Variants in USP6 observed in about 807,000 individuals in gnomAD.
The protein encoded by USP6 is ubiquitin specific peptidase 6.
In USP6, 128 loss-of-function variants were observed where a neutral mutation model predicts 175.7. That is an observed-to-expected ratio of 0.73 (90% CI 0.63 to 0.84). USP6 has a LOEUF of 0.84. Among genes scored for constraint, USP6 ranks in the 40% least tolerant of loss-of-function variants. The pLI, the probability that USP6 is intolerant of heterozygous loss-of-function variation, is 0.00. For synonymous variants in USP6, 562 were observed against 630.6 expected (o/e 0.89, Z 1.63); for missense variants, 1,498 against 1,760.3 (o/e 0.85, Z 2.67).
chr17:5,116,662 G>C lies in USP6; in HGVS notation c.-2006G>C, dbSNP rs1411517665. On this transcript the variant is annotated 5_prime_UTR_variant, in exon 1 of 38. Coordinates refer to ENST00000574788, the MANE Select transcript of USP6 (RefSeq NM_001304284.2). ...TGAGGCCTGAACAGGAAGGAACTGG[G>C]AGACCCAAGACTGTACCGCCAAGAC... is the stretch of plus-strand genomic sequence containing the variant. 6.6e-6 allele frequency: 1 copy of C among 152,276 alleles called. No homozygotes were observed. Among genetic ancestry groups the C allele is most frequent in the Admixed American group, 6.5e-5 (1 of 15,288 alleles). The allele number at this position is 152,276 out of a possible 1,614,324, so 9.4% of individuals were successfully genotyped here. A position where few individuals can be genotyped will look rare whatever the true frequency, so the allele number is the denominator to read the frequency against.
Position 5,132,942 on chromosome 17 carries a change from G to A in USP6, c.228G>A (p.Lys76=). 1 of 1,614,206 alleles carries A rather than the reference G, an allele frequency of 6.2e-7. No individual in the cohort carries two copies. Among genetic ancestry groups the A allele is most frequent in the Non-Finnish European group, 8.5e-7 (1 of 1,180,028 alleles). The part of the protein sequence containing the change: ...KIRREMTRTS[K]WMEMLGEWET... ...GGCGGGAGATGACACGAACGAGCAAGTGGATGGAAATGCTGGGAGAATGGG... is the reference window on the plus strand; with the variant it reads ...GGCGGGAGATGACACGAACGAGCAAATGGATGGAAATGCTGGGAGAATGGG... The change falls in exon 13 of 38, where the codon AAG becomes AAA. Residue 76 remains lysine (K), a synonymous_variant. Transcript: ENST00000574788. The surrounding 1 kb of genome is among the most constrained non-coding windows in gnomAD (Gnocchi z 4.7).
At chr17:5,131,227 C>T (rs892975870) in intron 11 of USP6, among the ~76,000 whole-genome samples, 3 of 151,696 alleles carry the variant, frequency 2.0e-5, no homozygotes, top group African/African-American at 4.8e-5. Context: ...GGCAGGGCCC[C>T]GCTCTGGGCA....
intron 29 of USP6, among the ~76,000 whole-genome samples, chr17:5,148,253 AAAG>A (rs1196273465): frequency 6.6e-6 from 1 of 152,212 alleles, no homozygotes; most frequent in African/African-American, 2.4e-5. Context: ...AACAGAAGGA[AAAG>A]AAAACAAGTG....
intron 28 of USP6, among the ~76,000 whole-genome samples, 166 bp downstream of exon 28, chr17:5,146,340 AAG>A (rs2073610620): frequency 6.6e-6 from 1 of 152,206 alleles, no homozygotes. Flanking sequence ...AGAAACTTAA[AAG>A]AGTTTTCTAC....
Position 5,148,561 on chromosome 17 carries a change from T to G in USP6, c.2437T>G (p.Ser813Ala), listed in dbSNP as rs1275458443. Residue 813 changes from serine (S) to alanine (A), a missense_variant, in exon 30 of 38, where the codon TCC becomes GCC. This residue lies in a region of USP6 where 1,217 missense variants were observed against 1,500.8 expected (regional missense o/e 0.81). Transcript: ENST00000574788. ...SASSPTQIDF[S>A]SSPSTNGMFT... ...ACTTATCTTTGAATTTGTAGATTTC[T>G]CCTCTTCACCATCTACAAATGGAAT... 1.2e-6 allele frequency: 2 copies of G among 1,613,850 alleles called. No homozygotes were observed. The highest frequency in any genetic ancestry group is 1.7e-6 in the Non-Finnish European group (2 of 1,179,856).
At position 5,139,262 on chromosome 17, in the gene USP6, C is replaced by T. The variant is rs139178171; in HGVS notation, c.1086C>T (p.Arg362=). The change falls in exon 22 of 38, where the codon CGC becomes CGT. Residue 362 remains arginine, a synonymous_variant. Transcript: ENST00000574788. ...CGTCTGTTTTCCTTTCAGCCAAACGCGAGCAAGGGTCCTTGGCACCCAGGC... is the reference window on the plus strand; with the variant it reads ...CGTCTGTTTTCCTTTCAGCCAAACGTGAGCAAGGGTCCTTGGCACCCAGGC... ...KQGDLPPPAK[R]EQGSLAPRPV... The T allele has an allele frequency of 1.7e-4, 268 of 1,601,838 alleles. No individual in the cohort carries two copies. The highest frequency in any genetic ancestry group is 1.6e-4 in the Non-Finnish European group (187 of 1,179,984).
At position 5,138,129 on chromosome 17, in the gene USP6, A is replaced by G. The variant is rs2143911865; in HGVS notation, c.934A>G (p.Met312Val). ...ATCCACCCTGTCCCTAGAGCGCCTC[A>G]TGAAGACATCCAGGTGTGGCCTGTG... Reference protein sequence around the residue: ...IALKVQQKRLMKTSRCGLWAR... With the variant: ...IALKVQQKRLVKTSRCGLWAR... Residue 312 changes from methionine to valine, a missense_variant, in exon 21 of 38, where the codon ATG (methionine) becomes GTG (valine). By Grantham distance (21) the Met-to-Val change is conservative. Around this residue, in one of 2 missense-constraint regions of USP6, gnomAD observed 1,217 missense variants for 1,500.8 expected, o/e 0.81. Coordinates refer to ENST00000574788, the MANE Select transcript of USP6 (RefSeq NM_001304284.2). 6.2e-7 allele frequency: 1 copy of G among 1,614,038 alleles called. No individual in the cohort carries two copies.
intron 23 of USP6, 134 bp from the exon 24 acceptor site, chr17:5,141,869 C>T: frequency 7.4e-7 from 1 of 1,359,682 alleles, no homozygotes; most frequent in Non-Finnish European, 9.8e-7. Flanking sequence ...ATTTCAAAGA[C>T]CTGCTAGAGA....
chr17:5,136,121 C>T (rs988749425), intron 17 of USP6, among the ~76,000 whole-genome samples, 193 bp downstream of exon 17: 7 of 152,198 alleles, frequency 4.6e-5, no homozygotes, highest in African/African-American at 1.7e-4. Flanking sequence ...TGCCTTTCAT[C>T]CCCATCAGCA....
intron 31 of USP6, among the ~76,000 whole-genome samples, chr17:5,159,556 T>C (rs1317195154): frequency 1.3e-5 from 2 of 152,124 alleles, no homozygotes; most frequent in Non-Finnish European, 2.9e-5. Flanking sequence ...TAGCACATGA[T>C]ACAAAGAAGC....
chr17:5,133,265 T>C (rs540553002), intron 13 of USP6, among the ~76,000 whole-genome samples, 178 bp from the exon 14 acceptor site: 1 of 152,202 alleles, frequency 6.6e-6, no homozygotes, highest in African/African-American at 2.4e-5. Flanking sequence ...GATCAGAGTT[T>C]AGACTCTGAG....
At chr17:5,144,198 G>C (rs1203628252) in intron 25 of USP6, among the ~76,000 whole-genome samples, 3 of 151,822 alleles carry the variant, frequency 2.0e-5, no homozygotes, top group Non-Finnish European at 2.9e-5. Context: ...ACCAGAAAAT[G>C]TAATTGTTGA....
At chr17:5,122,367 T>C (rs1485403663) in intron 4 of USP6, among the ~76,000 whole-genome samples, 1 of 151,828 alleles carries the variant, frequency 6.6e-6, no homozygotes, top group African/African-American at 2.4e-5. Context: ...GCAAGGTGGG[T>C]GGTGGTCGGG....
At chr17:5,161,672 A>G (rs2074006577) in intron 32 of USP6, 58 bp downstream of exon 32, 9 of 1,578,872 alleles carry the variant, frequency 5.7e-6, no homozygotes, top group East Asian at 4.5e-5. Context: ...ATATTATACA[A>G]TTTTCCTAAG....
chr17:5,160,312 T>A (rs55795128), intron 31 of USP6, among the ~76,000 whole-genome samples: 8,970 of 152,226 alleles, frequency 0.059, 881 homozygotes, highest in African/African-American at 0.2. Context: ...GCCCATGTAA[T>A]AACCACTATC....
In USP6 at chr17:5,139,295, G is replaced by A. The variant is rs1472804070; in HGVS notation, c.1119G>A (p.Pro373=). Residue 373 remains proline, a synonymous_variant, in exon 22 of 38, where the codon CCG becomes CCA. Coordinates refer to ENST00000574788, the MANE Select transcript of USP6 (RefSeq NM_001304284.2). ...EQGSLAPRPV[P]ASRGGKTLCK... The stretch of plus-strand genomic sequence containing the variant: ...GGTCCTTGGCACCCAGGCCTGTGCC[G>A]GCTTCACGTGGTGGGAAGACCCTCT... The A allele has an allele frequency of 1.2e-5, 20 of 1,607,010 alleles. No individual in the cohort carries two copies. Among genetic ancestry groups the A allele is most frequent in the Admixed American group, 3.3e-5 (2 of 60,010 alleles).
At chr17:5,167,872 A>G in intron 33 of USP6, 60 bp from the exon 34 acceptor site, 1 of 1,551,812 alleles carries the variant, frequency 6.4e-7, no homozygotes, top group Non-Finnish European at 8.8e-7. Flanking sequence ...ATGCATAGCT[A>G]GATCACCAGT....
intron 9 of USP6, 71 bp from the exon 10 acceptor site, chr17:5,130,296 G>A (rs2073021277): frequency 8.7e-6 from 13 of 1,502,454 alleles, no homozygotes; most frequent in East Asian, 2.3e-5. Context: ...CTGGGAGCCC[G>A]GTGGGAGCGG....
chr17:5,144,552 A>G, intron 25 of USP6, 138 bp from the exon 26 acceptor site: 2 of 1,058,328 alleles, frequency 1.9e-6, no homozygotes. Context: ...ATTATCCAAA[A>G]TACATTTGTT....
Sources: gnomAD v4.1 joint callset for allele counts (sites outside exome capture counted in the v4.1 genomes callset) on GRCh38, gnomAD v4.1.1 for gene constraint, gnomAD v4.1.1 regional missense constraint, Gnocchi (gnomAD v3.1) non-coding constraint, MANE v1.5 for transcripts, NCBI Gene and HGNC (gene_info 2026-07-23, HGNC 2026-07-21) for gene names.